GPHN: variants seen among roughly 807,000 people sequenced by gnomAD.
GPHN encodes gephyrin.
In GPHN, 17 loss-of-function variants were observed where a neutral mutation model predicts 95.5. That is an observed-to-expected ratio of 0.18 (90% CI 0.12 to 0.27). The LOEUF (loss-of-function observed/expected upper bound fraction) is 0.27, where lower values mean the gene tolerates loss of function less well. Ranked by LOEUF, GPHN falls within the 10% of genes least tolerant of loss-of-function variation. The probability of loss-of-function intolerance (pLI) is 1.00; values close to 1 mark genes in which losing one functional copy is unlikely to be tolerated. For synonymous variants in GPHN, 320 were observed against 322.5 expected (o/e 0.99, Z 0.08); for missense variants, 660 against 978.1 (o/e 0.67, Z 4.34).
chr14:67,336,806 T>TAAA, the GPHN span: 25 of 455,070 alleles, frequency 5.5e-5, no homozygotes, highest in East Asian at 5.6e-4. Context: ...GTTGTTGGTT[T>TAAA]TCCAGTCATT....
chr14:67,358,446 G>A, the GPHN span, among the ~76,000 whole-genome samples: 16 of 152,154 alleles, frequency 1.1e-4, no homozygotes, highest in Non-Finnish European at 1.5e-5. Flanking sequence ...AGGACAGAAT[G>A]AGGAAAAACA....
At chr14:67,678,174 G>GT in the GPHN span, 2 of 599,502 alleles carry the variant, frequency 3.3e-6, 1 homozygote, top group Admixed American at 5.7e-5. Flanking sequence ...AGTACACTGA[G>GT]TTTTAACTGG....
chr14:66,860,095 G>A (rs1476845482), intron 4 of GPHN, among the ~76,000 whole-genome samples: 5 of 152,026 alleles, frequency 3.3e-5, no homozygotes, highest in African/African-American at 1.2e-4. Flanking sequence ...CAAACCTCGA[G>A]AAAAATATCA....
chr14:67,125,024 CAA>C (rs1016850286), intron 17 of GPHN, among the ~76,000 whole-genome samples: 3 of 151,912 alleles, frequency 2.0e-5, no homozygotes, highest in African/African-American at 7.3e-5. Context: ...TAAAGAACAA[CAA>C]AACTATAAAC....
At chr14:67,583,978 C>T in the GPHN span, 1 of 1,613,922 alleles carries the variant, frequency 6.2e-7, no homozygotes, top group Non-Finnish European at 8.5e-7. Context: ...CTATTTCTCT[C>T]CATCTGCCCA....
the GPHN span, among the ~76,000 whole-genome samples, chr14:67,260,434 T>C: frequency 2.6e-5 from 4 of 152,228 alleles, no homozygotes; most frequent in Non-Finnish European, 4.4e-5. Flanking sequence ...ATTTTATATG[T>C]TACGAACTCA....
intron 9 of GPHN, chr14:66,985,710 G>C (rs1170191316): frequency 3.3e-6 from 5 of 1,531,216 alleles, no homozygotes; most frequent in Middle Eastern, 1.7e-4. Flanking sequence ...GAAAGCAAAG[G>C]AGTTGCTAGT....
intron 1 of GPHN, among the ~76,000 whole-genome samples, chr14:66,608,105 T>G (rs1236022746): frequency 1.3e-5 from 2 of 151,308 alleles, no homozygotes; most frequent in African/African-American, 4.9e-5. Context: ...TCTTTCTAAT[T>G]TTTGATGAAT....
chr14:67,059,387 C>A (rs1434070672), intron 11 of GPHN, among the ~76,000 whole-genome samples: 1 of 152,112 alleles, frequency 6.6e-6, no homozygotes. Flanking sequence ...AGGAGAACTT[C>A]CAGCCAATAA....
the GPHN span, among the ~76,000 whole-genome samples, chr14:67,478,911 G>T: frequency 6.6e-6 from 1 of 152,058 alleles, no homozygotes; most frequent in South Asian, 2.1e-4. Context: ...AGTGGTAAGA[G>T]AAAAAAGCAG....
chr14:67,458,668 C>T, the GPHN span, among the ~76,000 whole-genome samples: 1 of 152,288 alleles, frequency 6.6e-6, no homozygotes, highest in East Asian at 1.9e-4. Flanking sequence ...TCACTGACCC[C>T]CTGCCAAGGG....
At chr14:67,708,480 C>T in the GPHN span, among the ~76,000 whole-genome samples, 1 of 151,920 alleles carries the variant, frequency 6.6e-6, no homozygotes, top group African/African-American at 2.4e-5. Flanking sequence ...CAAAACAAGA[C>T]AACAATTGTC....
the GPHN span, among the ~76,000 whole-genome samples, chr14:67,432,624 A>G: frequency 6.6e-6 from 1 of 152,226 alleles, no homozygotes; most frequent in Non-Finnish European, 1.5e-5. Flanking sequence ...TAGGGCTGCC[A>G]TGACAAATTG....
intron 10 of GPHN, among the ~76,000 whole-genome samples, chr14:67,048,004 G>A (rs985129062): frequency 6.6e-6 from 1 of 152,216 alleles, no homozygotes; most frequent in Non-Finnish European, 1.5e-5. Flanking sequence ...ACTGGTTTAA[G>A]AGGATGCATT....
chr14:66,551,349 T>A (rs1286018155), intron 1 of GPHN, among the ~76,000 whole-genome samples: 4 of 152,232 alleles, frequency 2.6e-5, no homozygotes, highest in Non-Finnish European at 5.9e-5. Context: ...CTGATCTTTG[T>A]AGCCACTCAT....
intron 1 of GPHN, among the ~76,000 whole-genome samples, chr14:66,635,099 A>G (rs572720338): frequency 3.3e-5 from 5 of 152,218 alleles, no homozygotes; most frequent in African/African-American, 9.6e-5. Context: ...AGCTGTTGAC[A>G]ATGTTCACAT....
At chr14:67,059,812 ATT>A (rs1455049036) in intron 11 of GPHN, among the ~76,000 whole-genome samples, 1 of 152,138 alleles carries the variant, frequency 6.6e-6, no homozygotes, top group Non-Finnish European at 1.5e-5. Flanking sequence ...TTTGGTTCAC[ATT>A]CTTTTAGATA....
the GPHN span, among the ~76,000 whole-genome samples, chr14:67,516,345 A>C: frequency 1.2e-4 from 18 of 152,270 alleles, no homozygotes; most frequent in African/African-American, 4.1e-4. Flanking sequence ...AACCCTATGC[A>C]TGCCGAGGCC....
the GPHN span, among the ~76,000 whole-genome samples, chr14:67,480,509 C>T: frequency 2.8e-4 from 43 of 152,282 alleles, 1 homozygote; most frequent in South Asian, 5.6e-3. Flanking sequence ...CTCTCACCCC[C>T]TCATTTAACC....
Sources: allele counts gnomAD v4.1 joint callset (sites outside exome capture counted in the v4.1 genomes callset), GRCh38; gene constraint gnomAD v4.1.1; transcripts MANE v1.5; gene names NCBI Gene and HGNC (gene_info 2026-07-23, HGNC 2026-07-21).